Variants in CNTN3 observed in about 807,000 individuals in gnomAD.
CNTN3 encodes the protein contactin-3.
A neutral mutation model predicts 119.1 loss-of-function variants in CNTN3; 60 were observed. The observed-to-expected ratio is 0.50, with a 90% CI of 0.41 to 0.62. CNTN3 has a LOEUF of 0.62. CNTN3 is among the 20% of genes least tolerant of loss of function. The probability of loss-of-function intolerance (pLI) is 0.00; values close to 1 mark genes in which losing one functional copy is unlikely to be tolerated. For missense variants in CNTN3, 1,101 were observed against 1,242.4 expected (o/e 0.89, Z 1.71); for synonymous variants, 450 against 438.7 (o/e 1.03, Z -0.32).
chr3:74,607,596 C>T (rs1022959832), intron 1 of CNTN3, among the ~76,000 whole-genome samples: 3 of 152,076 alleles, frequency 2.0e-5, no homozygotes, highest in African/African-American at 7.2e-5. Flanking sequence ...ACACAGATTC[C>T]CAAACCAAAG....
intron 11 of CNTN3, among the ~76,000 whole-genome samples, chr3:74,346,260 T>C (rs1465312202): frequency 6.6e-6 from 1 of 151,936 alleles, no homozygotes; most frequent in Non-Finnish European, 1.5e-5. Flanking sequence ...TAAGAAAAAA[T>C]AAGTGTTTAA....
chr3:74,426,037 G>A (rs1051447251), intron 4 of CNTN3, among the ~76,000 whole-genome samples: 12 of 151,968 alleles, frequency 7.9e-5, no homozygotes, highest in African/African-American at 2.4e-4. Flanking sequence ...GATTACCAAC[G>A]GTTATTTTTA....
chr3:74,550,507 A>G (rs1200412002), intron 1 of CNTN3, among the ~76,000 whole-genome samples: 2 of 152,166 alleles, frequency 1.3e-5, no homozygotes, highest in Non-Finnish European at 2.9e-5. Flanking sequence ...AGCTGATAGC[A>G]GCCACTTTTT....
intron 3 of CNTN3, among the ~76,000 whole-genome samples, chr3:74,498,761 A>G (rs1388890045): frequency 6.6e-6 from 1 of 151,808 alleles, no homozygotes; most frequent in Non-Finnish European, 1.5e-5. Context: ...GATTATAGAA[A>G]AGGTTTTGTC....
intron 4 of CNTN3, among the ~76,000 whole-genome samples, chr3:74,457,607 A>G (rs62267353): frequency 0.012 from 1,322 of 111,864 alleles, 10 homozygotes; most frequent in Non-Finnish European, 0.02. Flanking sequence ...CTTTCAAAAT[A>G]AACCAGTGAA....
intron 1 of CNTN3, among the ~76,000 whole-genome samples, chr3:74,521,899 C>T (rs4677408): frequency 0.88 from 132,990 of 151,840 alleles, 58,789 homozygotes; most frequent in Non-Finnish European, 0.93. Flanking sequence ...ATCAAGTATG[C>T]GCGATACACA....
chr3:74,462,736 CTA>C (rs1702392891), intron 4 of CNTN3, among the ~76,000 whole-genome samples: 1 of 152,020 alleles, frequency 6.6e-6, no homozygotes, highest in Non-Finnish European at 1.5e-5. Flanking sequence ...TGGTTATATC[CTA>C]TGTTATTTCC....
At chr3:74,268,139 G>A (rs917705538) in intron 20 of CNTN3, among the ~76,000 whole-genome samples, 2 of 152,040 alleles carry the variant, frequency 1.3e-5, no homozygotes, top group African/African-American at 2.4e-5. Context: ...AACTCTCTGC[G>A]GTTTCTAAAC....
intron 13 of CNTN3, among the ~76,000 whole-genome samples, chr3:74,327,717 A>G (rs1460962038): frequency 6.6e-6 from 1 of 152,098 alleles, no homozygotes; most frequent in East Asian, 1.9e-4. Context: ...TGGAGGTGGA[A>G]AATTGATTTG....
chr3:74,407,264 A>ATTTTTTTTTTTTTTTT (rs753215277), intron 5 of CNTN3, among the ~76,000 whole-genome samples: 1 of 105,526 alleles, frequency 9.5e-6, no homozygotes, highest in Non-Finnish European at 1.8e-5. Context: ...CAAATATTCT[A>ATTTTTTTTTTTTTTTT]TTTTTTTTTT....
At chr3:74,416,590 A>G (rs1305252736) in intron 5 of CNTN3, among the ~76,000 whole-genome samples, 2 of 152,172 alleles carry the variant, frequency 1.3e-5, no homozygotes, top group Admixed American at 6.5e-5. Flanking sequence ...CAGAGTACCC[A>G]TTAAAGGAGT....
chr3:74,289,779 T>C (rs575523728), intron 19 of CNTN3, among the ~76,000 whole-genome samples: 75 of 152,320 alleles, frequency 4.9e-4, no homozygotes, highest in Middle Eastern at 3.4e-3. Flanking sequence ...ACTGCAGTTA[T>C]TCAATCAACA....
intron 19 of CNTN3, among the ~76,000 whole-genome samples, chr3:74,291,672 C>T (rs1702235050): frequency 6.6e-6 from 1 of 152,154 alleles, no homozygotes; most frequent in Non-Finnish European, 1.5e-5. Context: ...AGCCACCGCG[C>T]CCAGCAGTGT....
intron 2 of CNTN3, among the ~76,000 whole-genome samples, chr3:74,519,283 C>T (rs1030705783): frequency 4.6e-5 from 7 of 151,646 alleles, no homozygotes; most frequent in Non-Finnish European, 8.9e-5. Flanking sequence ...AACGTTTTAC[C>T]ACCATATCTA....
chr3:74,552,603 G>T (rs574827679), intron 1 of CNTN3, among the ~76,000 whole-genome samples: 32 of 152,018 alleles, frequency 2.1e-4, no homozygotes, highest in African/African-American at 7.7e-4. Flanking sequence ...ATCTTTTTTT[G>T]GAATGTTGTC....
At chr3:74,491,819 C>T (rs1396468121) in intron 3 of CNTN3, among the ~76,000 whole-genome samples, 2 of 152,074 alleles carry the variant, frequency 1.3e-5, no homozygotes, top group Admixed American at 1.3e-4. Context: ...TAAAAGTTCA[C>T]CAGGAACTCT....
At chr3:74,333,830 T>C (rs780504684) in intron 13 of CNTN3, among the ~76,000 whole-genome samples, 4 of 152,174 alleles carry the variant, frequency 2.6e-5, no homozygotes, top group Non-Finnish European at 5.9e-5. Context: ...TGAACACAGT[T>C]GAGTTGACCA....
At chr3:74,597,001 A>G (rs1255705497) in intron 1 of CNTN3, among the ~76,000 whole-genome samples, 1 of 152,056 alleles carries the variant, frequency 6.6e-6, no homozygotes. Flanking sequence ...GATCCCTCCC[A>G]TGTTCCTAAT....
At chr3:74,567,313 AATTT>A (rs1426038641) in intron 1 of CNTN3, among the ~76,000 whole-genome samples, 2 of 81,930 alleles carry the variant, frequency 2.4e-5, no homozygotes, top group Admixed American at 3.7e-4. Context: ...ACAAATTTTT[AATTT>A]TTTTTTTTTT....
Sources: gnomAD v4.1 joint callset for allele counts (sites outside exome capture counted in the v4.1 genomes callset) on GRCh38, gnomAD v4.1.1 for gene constraint, MANE v1.5 for transcripts, NCBI Gene and HGNC (gene_info 2026-07-23, HGNC 2026-07-21) for gene names.